The following SV2B variants were observed in gnomAD, a reference collection of about 807,000 sequenced individuals.
The protein encoded by SV2B is synaptic vesicle glycoprotein 2B.
Under a neutral mutation model 73.9 loss-of-function variants are expected in SV2B, and 41 were observed. The ratio of observed to expected loss-of-function variants is 0.56; its 90% confidence interval spans 0.43 to 0.72. The LOEUF is 0.72. Among genes scored for constraint, SV2B ranks in the 30% least tolerant of loss-of-function variants. The pLI is 0.00. For synonymous variants in SV2B, 314 were observed against 314.2 expected (o/e 1.00, Z 0.01); for missense variants, 764 against 857.8 (o/e 0.89, Z 1.37).
intron 6 of SV2B, among the ~76,000 whole-genome samples, chr15:91,262,336 T>C (rs1196202371): frequency 6.6e-6 from 1 of 152,250 alleles, no homozygotes; most frequent in African/African-American, 2.4e-5. Context: ...ATTTAAATTA[T>C]TATGACATTT....
chr15:91,275,826 C>CA (rs1313317856), intron 9 of SV2B, among the ~76,000 whole-genome samples: 12 of 151,030 alleles, frequency 7.9e-5, no homozygotes, highest in Non-Finnish European at 1.5e-4. Flanking sequence ...ACTCTGTCTC[C>CA]AAAAAAAAGA....
intron 9 of SV2B, among the ~76,000 whole-genome samples, chr15:91,272,966 G>A (rs72655644): frequency 0.31 from 46,761 of 151,046 alleles, 7,752 homozygotes; most frequent in African/African-American, 0.4. Context: ...CTGAGTAGCT[G>A]GGATTACAGG....
chr15:91,119,861 A>C (rs1318131658), intron 1 of SV2B, among the ~76,000 whole-genome samples: 1 of 152,170 alleles, frequency 6.6e-6, no homozygotes, highest in East Asian at 1.9e-4. Flanking sequence ...TTATTTATTG[A>C]CTGATTGTAT....
At chr15:91,274,929 CT>C (rs1206151431) in intron 9 of SV2B, among the ~76,000 whole-genome samples, 2 of 152,098 alleles carry the variant, frequency 1.3e-5, no homozygotes, top group Non-Finnish European at 2.9e-5. Flanking sequence ...TCTAAGTTTA[CT>C]ATCTGATATT....
Position 91,245,785 on chromosome 15 carries a change from G to T in SV2B, c.452-6034G>T, listed in dbSNP as rs1312694950. Among the ~76,000 whole-genome samples the T allele has an allele frequency of 6.6e-6, 1 of 152,034 alleles. No individual in the cohort carries two copies. The highest frequency in any genetic ancestry group is 1.9e-4 in the East Asian group (1 of 5,196). On this transcript the variant is annotated intron_variant, in intron 2 of 12. Transcript: ENST00000394232. The surrounding 1 kb of genome is among the most constrained non-coding windows in gnomAD (Gnocchi z 4.2). ...GAAAAGCAATAGTATGCTGCCAAAA[G>T]ACTATCAGGGACGACTGAAATTTGG...
intron 9 of SV2B, among the ~76,000 whole-genome samples, chr15:91,275,607 C>G (rs113916443): frequency 6.6e-6 from 1 of 152,160 alleles, no homozygotes; most frequent in Non-Finnish European, 1.5e-5. Context: ...GGCGGAATGC[C>G]TGAGCTCAGG....
At chr15:91,271,111 G>GT (rs112244184) in intron 9 of SV2B, among the ~76,000 whole-genome samples, 114 of 139,420 alleles carry the variant, frequency 8.2e-4, no homozygotes, top group Middle Eastern at 3.9e-3. Flanking sequence ...TGTGGATGAT[G>GT]GGTGGATGGT....
At chr15:91,255,620 A>G (rs2047659581) in intron 4 of SV2B, among the ~76,000 whole-genome samples, 1 of 152,242 alleles carries the variant, frequency 6.6e-6, no homozygotes, top group African/African-American at 2.4e-5. Flanking sequence ...ACCTATGGAA[A>G]TAAAAAATTA....
At chr15:91,202,093 T>C (rs1007258973) in intron 1 of SV2B, among the ~76,000 whole-genome samples, 3 of 152,206 alleles carry the variant, frequency 2.0e-5, no homozygotes, top group Non-Finnish European at 4.4e-5. Context: ...TACTCAAATG[T>C]CACCTATCAT....
At chr15:91,101,942 G>C (rs1461864600) in intron 1 of SV2B, 1 of 152,192 alleles carries the variant, frequency 6.6e-6, no homozygotes, top group Non-Finnish European at 1.5e-5. Context: ...ACTTCACAAA[G>C]GCAGGGACTC....
rs971449727 is a variant in SV2B, at chr15:91,301,860, C to A, written c.*9308C>A. ...TACACGTTGGCGCTCAAAAAGTTTTCAATTTGGGAGCATTTCGGATTTTTG... is the reference window on the plus strand; with the variant it reads ...TACACGTTGGCGCTCAAAAAGTTTTAAATTTGGGAGCATTTCGGATTTTTG... On this transcript the variant is annotated 3_prime_UTR_variant, in exon 13 of 13. Transcript: ENST00000394232. The surrounding 1 kb of genome is among the most constrained non-coding windows in gnomAD (Gnocchi z 4.3). Among the ~76,000 whole-genome samples the A allele has an allele frequency of 3.3e-5, 5 of 152,196 alleles. No homozygotes were observed. Among genetic ancestry groups the A allele is most frequent in the Admixed American group, 2.0e-4 (3 of 15,282 alleles).
chr15:91,269,342 A>G (rs1319621488), intron 9 of SV2B, among the ~76,000 whole-genome samples: 1 of 152,200 alleles, frequency 6.6e-6, no homozygotes, highest in East Asian at 1.9e-4. Flanking sequence ...TAAACTGAGC[A>G]TTTACCCCTC....
At chr15:91,200,324 T>C (rs1453619844) in intron 1 of SV2B, among the ~76,000 whole-genome samples, 3 of 152,222 alleles carry the variant, frequency 2.0e-5, no homozygotes, top group Non-Finnish European at 4.4e-5. Context: ...ACAGAGAGTT[T>C]AGGGATATTG....
intron 11 of SV2B, among the ~76,000 whole-genome samples, chr15:91,285,217 T>C (rs1363244213): frequency 6.6e-6 from 1 of 152,222 alleles, no homozygotes; most frequent in Admixed American, 6.5e-5. Context: ...AATAGTAGCA[T>C]GCATATTCAG....
At chr15:91,162,245 T>C (rs1042369730) in intron 1 of SV2B, among the ~76,000 whole-genome samples, 5 of 152,170 alleles carry the variant, frequency 3.3e-5, no homozygotes, top group Admixed American at 3.3e-4. Flanking sequence ...CTTCTAGTAA[T>C]CTTTCTTCCA....
intron 1 of SV2B, among the ~76,000 whole-genome samples, chr15:91,206,715 T>C (rs1019992744): frequency 6.6e-6 from 1 of 152,166 alleles, no homozygotes; most frequent in African/African-American, 2.4e-5. Context: ...TGTTAGCTGG[T>C]ATACTCATAG....
intron 2 of SV2B, among the ~76,000 whole-genome samples, chr15:91,235,931 G>A (rs1457311525): frequency 6.6e-6 from 1 of 152,162 alleles, no homozygotes; most frequent in Non-Finnish European, 1.5e-5. Context: ...CCGGGCAGTA[G>A]AGGATGGTTC....
At chr15:91,181,715 A>T (rs75799818) in intron 1 of SV2B, among the ~76,000 whole-genome samples, 5,616 of 151,946 alleles carry the variant, frequency 0.037, 345 homozygotes, top group African/African-American at 0.13. Flanking sequence ...AATCAGCTTG[A>T]CAACCATCAT....
intron 1 of SV2B, among the ~76,000 whole-genome samples, chr15:91,176,523 C>G (rs1315867139): frequency 6.6e-6 from 1 of 152,130 alleles, no homozygotes; most frequent in Non-Finnish European, 1.5e-5. Context: ...TAAAAGTGTT[C>G]CTATTTCTCC....
Sources: gnomAD v4.1 joint callset for allele counts (sites outside exome capture counted in the v4.1 genomes callset) on GRCh38, gnomAD v4.1.1 for gene constraint, Gnocchi (gnomAD v3.1) non-coding constraint, MANE v1.5 for transcripts, NCBI Gene and HGNC (gene_info 2026-07-23, HGNC 2026-07-21) for gene names.